Variants in ATF7 observed in about 807,000 individuals in gnomAD.
The protein encoded by ATF7 is cyclic AMP-dependent transcription factor ATF-7.
ATF7 carries 10 observed loss-of-function variants against 50.4 expected under a neutral mutation model. The observed-to-expected ratio is 0.20, with a 90% confidence interval of 0.12 to 0.34. The LOEUF (loss-of-function observed/expected upper bound fraction) is 0.34. ATF7 is among the 10% of genes least tolerant of loss of function. The probability of loss-of-function intolerance (pLI) is 1.00; values close to 1 mark genes in which losing one functional copy is unlikely to be tolerated. For synonymous variants in ATF7, 201 were observed against 226.4 expected (o/e 0.89, Z 1.01); for missense variants, 465 against 613.9 (o/e 0.76, Z 2.56).
chr12:53,620,045 G>A (rs1944311811), intron 1 of ATF7, among the ~76,000 whole-genome samples: 1 of 152,138 alleles, frequency 6.6e-6, no homozygotes, highest in Non-Finnish European at 1.5e-5. Context: ...AGGAGGCTGA[G>A]GTAGGAGGAT....
rs1305230112 is a variant in ATF7 at position 53,512,628 on chromosome 12, T to C, written c.*4509A>G. On this transcript the variant is annotated 3_prime_UTR_variant, in exon 12 of 12. Transcript: ENST00000420353. Reference sequence around the variant, plus strand: ...CCTTACTGTAACAGAGAACATGGAGTGACCAGTCTGCAAGGGAATATGGGA... The same window carrying C: ...CCTTACTGTAACAGAGAACATGGAGCGACCAGTCTGCAAGGGAATATGGGA... 6.6e-6 allele frequency: 1 copy of C among 151,922 alleles called. No homozygotes were observed. Among genetic ancestry groups the C allele is most frequent in the Admixed American group, 6.6e-5 (1 of 15,250 alleles). 9.4% of individuals were successfully genotyped at this position (151,922 alleles called of 1,614,324 possible).
chr12:53,526,854 A>C (rs1353845309), intron 9 of ATF7, among the ~76,000 whole-genome samples: 1 of 151,398 alleles, frequency 6.6e-6, no homozygotes, highest in Non-Finnish European at 1.5e-5. Context: ...CGGTCTCTAA[A>C]AAAGTAAAAA....
intron 2 of ATF7, among the ~76,000 whole-genome samples, chr12:53,581,250 T>C (rs2137699494): frequency 6.6e-6 from 1 of 152,298 alleles, no homozygotes; most frequent in South Asian, 2.1e-4. Context: ...ATATTAACAG[T>C]TGGAGACTTT....
intron 3 of ATF7, among the ~76,000 whole-genome samples, chr12:53,551,625 A>AAGT (rs1471473363): frequency 2.0e-5 from 3 of 152,218 alleles, no homozygotes; most frequent in Non-Finnish European, 4.4e-5. Flanking sequence ...CTGTAAAGGC[A>AAGT]AGTGGTAAGT....
intron 4 of ATF7, chr12:53,543,123 G>A (rs1326854494): frequency 1.6e-5 from 23 of 1,444,664 alleles, no homozygotes; most frequent in East Asian, 5.0e-5. Flanking sequence ...TTTCGGTGAC[G>A]ACAGACTTGT....
chr12:53,554,827 A>T (rs1940610625), intron 2 of ATF7, among the ~76,000 whole-genome samples: 1 of 133,166 alleles, frequency 7.5e-6, no homozygotes, highest in African/African-American at 2.8e-5. Context: ...CCCACCACTA[A>T]GCTCCAGCCT....
intron 1 of ATF7, among the ~76,000 whole-genome samples, 172 bp from the exon 2 acceptor site, chr12:53,601,193 C>T (rs1943387786): frequency 6.6e-6 from 1 of 152,120 alleles, no homozygotes; most frequent in African/African-American, 2.4e-5. Context: ...GGCATATGAT[C>T]TACTGTGTCT....
intron 11 of ATF7, among the ~76,000 whole-genome samples, chr12:53,520,025 C>T (rs531797655): frequency 9.1e-4 from 138 of 152,276 alleles, no homozygotes; most frequent in Non-Finnish European, 1.7e-3. Context: ...GGATTACAGG[C>T]GTGAGCCACC....
At chr12:53,615,131 C>T (rs1209602040) in intron 1 of ATF7, among the ~76,000 whole-genome samples, 1 of 151,656 alleles carries the variant, frequency 6.6e-6, no homozygotes, top group Non-Finnish European at 1.5e-5. Context: ...CGCCTGTAAT[C>T]TCAACACTTT....
chr12:53,600,973 T>G lies in ATF7; in HGVS notation c.28A>C (p.Asn10His). The G allele has an allele frequency of 1.2e-6, 2 of 1,613,388 alleles. No individual in the cohort carries two copies. The highest frequency in any genetic ancestry group is 1.7e-6 in the Non-Finnish European group (2 of 1,179,660). The change falls in exon 2 of 12, where the codon AAT becomes CAT. Residue 10 changes from asparagine (N) to histidine (H), a missense_variant. By Grantham distance (68) the Asn-to-His change is moderately conservative. Coordinates refer to ENST00000420353, the MANE Select transcript of ATF7 (RefSeq NM_006856.3). Reference protein sequence around the residue: MGDDRPFVCNAPGCGQRFTN... With the variant: MGDDRPFVCHAPGCGQRFTN... ...CGTACCTGTCCACAGCCCGGGGCAT[T>G]GCACACAAACGGTCTGTCGTCTCCC...
At chr12:53,534,768 C>G in intron 5 of ATF7, 109 bp from the exon 6 acceptor site, 1 of 1,244,588 alleles carries the variant, frequency 8.0e-7, no homozygotes, top group Non-Finnish European at 1.1e-6. Flanking sequence ...ATTAGAGCCA[C>G]TCATTAAATC....
chr12:53,511,802 A>C (rs1944135307), downstream of ATF7, among the ~76,000 whole-genome samples: 1 of 152,210 alleles, frequency 6.6e-6, no homozygotes, highest in Admixed American at 6.5e-5. Context: ...CCAGGATGCC[A>C]AGGGCCCTTG....
intron 2 of ATF7, among the ~76,000 whole-genome samples, chr12:53,563,102 T>C (rs923081255): frequency 1.3e-5 from 2 of 152,204 alleles, no homozygotes; most frequent in Non-Finnish European, 2.9e-5. Context: ...CACATTCCCA[T>C]ATTCCTTGAA....
intron 2 of ATF7, among the ~76,000 whole-genome samples, chr12:53,557,048 G>C (rs1349949622): frequency 6.6e-6 from 1 of 151,910 alleles, no homozygotes; most frequent in Non-Finnish European, 1.5e-5. Context: ...GCACACCATA[G>C]TGCCTGGCTA....
chr12:53,593,005 C>T (rs1302149255), intron 2 of ATF7, among the ~76,000 whole-genome samples: 2 of 152,088 alleles, frequency 1.3e-5, no homozygotes, highest in South Asian at 4.1e-4. Flanking sequence ...GTAATTCTTT[C>T]AGAAAGGTTT....
At chr12:53,605,117 G>T (rs1204766461) in intron 1 of ATF7, among the ~76,000 whole-genome samples, 12 of 152,126 alleles carry the variant, frequency 7.9e-5, no homozygotes, top group Admixed American at 7.9e-4. Flanking sequence ...AGCCAGGCAC[G>T]GTGGTTCATG....
chr12:53,572,700 A>G (rs1187241461), intron 2 of ATF7, among the ~76,000 whole-genome samples: 1 of 151,972 alleles, frequency 6.6e-6, no homozygotes, highest in African/African-American at 2.4e-5. Flanking sequence ...TAATTCCAGC[A>G]TTTTGGGAGG....
At chr12:53,624,913 A>G (rs1353257073) in intron 1 of ATF7, among the ~76,000 whole-genome samples, 1 of 152,240 alleles carries the variant, frequency 6.6e-6, no homozygotes, top group Admixed American at 6.5e-5. Context: ...TCATTTTAGT[A>G]TATTTCTGCT....
intron 2 of ATF7, among the ~76,000 whole-genome samples, chr12:53,576,998 G>C (rs1026325078): frequency 2.0e-5 from 3 of 152,212 alleles, no homozygotes; most frequent in Non-Finnish European, 4.4e-5. Flanking sequence ...GGAGGTTGCA[G>C]GGACCTGAGA....
Sources: gnomAD v4.1 joint callset for allele counts (sites outside exome capture counted in the v4.1 genomes callset) on GRCh38, gnomAD v4.1.1 for gene constraint, MANE v1.5 for transcripts, NCBI Gene and HGNC (gene_info 2026-07-23, HGNC 2026-07-21) for gene names.